ESRP1: variants seen among roughly 807,000 people sequenced by gnomAD.
ESRP1 encodes the protein epithelial splicing regulatory protein 1.
In ESRP1, 33 loss-of-function variants were observed where a neutral mutation model predicts 81.7. The ratio of observed to expected loss-of-function variants is 0.40; its 90% confidence interval spans 0.31 to 0.54. The LOEUF (loss-of-function observed/expected upper bound fraction) is 0.54. Ranked by LOEUF, ESRP1 falls within the 20% of genes least tolerant of loss-of-function variation. The pLI is 0.41. For synonymous variants in ESRP1, 320 were observed against 303.3 expected (o/e 1.06, Z -0.57); for missense variants, 672 against 833.1 (o/e 0.81, Z 2.38).
In ESRP1 at chr8:94,665,069, C is replaced by T; in HGVS notation, c.888+10C>T. The T allele has an allele frequency of 1.2e-6, 2 of 1,613,730 alleles. No homozygotes were observed. The highest frequency in any genetic ancestry group is 1.7e-6 in the Non-Finnish European group (2 of 1,179,810). ...GACCCGGTATATTGAGGTATGTCCT[C>T]AAAACCTGAACCCCTGGACATCGTG... On this transcript the variant is annotated intron_variant, in intron 8 of 15. Coordinates refer to ENST00000433389, the MANE Select transcript of ESRP1 (RefSeq NM_017697.4).
In ESRP1 at chr8:94,707,375, A is replaced by G. The variant is rs537581670; in HGVS notation, c.*1486A>G. 1.1e-4 allele frequency: 16 copies of G among 152,380 alleles called. No homozygotes were observed. The highest frequency in any genetic ancestry group is 3.6e-4 in the African/African-American group (15 of 41,598). 9.4% of individuals were successfully genotyped at this position (152,380 alleles called of 1,614,324 possible). A position where few individuals can be genotyped will look rare whatever the true frequency, so the allele number is the denominator to read the frequency against. On this transcript the variant is annotated 3_prime_UTR_variant, in exon 16 of 16. Transcript: ENST00000433389. Reference sequence around the variant, plus strand: ...GCCCAAAGCTGCCCAAAGCTCTGAAAGACTTTAAGATAGGCAGTAATGCTT... The same window carrying G: ...GCCCAAAGCTGCCCAAAGCTCTGAAGGACTTTAAGATAGGCAGTAATGCTT...
At chr8:94,645,744 C>A (rs144852229) in intron 3 of ESRP1, among the ~76,000 whole-genome samples, 94 of 152,282 alleles carry the variant, frequency 6.2e-4, no homozygotes, top group African/African-American at 2.2e-3. Context: ...ATAGTTAGAA[C>A]TACCCAGTTT....
chr8:94,653,601 A>AT (rs1818257228), intron 4 of ESRP1, among the ~76,000 whole-genome samples: 1 of 152,110 alleles, frequency 6.6e-6, no homozygotes, highest in Admixed American at 6.5e-5. Context: ...ACACATATAA[A>AT]TTTTTTTAAC....
chr8:94,668,789 A>ATGTGTGTGTGTGTGTGTGTG lies in ESRP1; in HGVS notation c.1233+558_1233+559insGTGTGTGTGTGTGTGTGTGT, dbSNP rs71303426. Among the ~76,000 whole-genome samples the ATGTGTGTGTGTGTGTGTGTG allele has an allele frequency of 2.9e-3, 413 of 143,860 alleles. 11 individuals carry two copies. Among genetic ancestry groups the ATGTGTGTGTGTGTGTGTGTG allele is most frequent in the East Asian group, 0.024 (115 of 4,790 alleles). The allele number at this position is 143,860 out of a possible 152,430, so 94.4% of individuals were successfully genotyped here. On this transcript the variant is annotated intron_variant, in intron 10 of 15. Coordinates refer to ENST00000433389, the MANE Select transcript of ESRP1 (RefSeq NM_017697.4). ...CTGTCCTGTTTTACTAGCTTTCAGC[A>ATGTGTGTGTGTGTGTGTGTG]TGTGTGTGTGTGTGTGTGTTTGAGA... is the stretch of plus-strand genomic sequence containing the variant.
intron 4 of ESRP1, among the ~76,000 whole-genome samples, chr8:94,657,076 A>G (rs1818461984): frequency 1.3e-5 from 2 of 152,202 alleles, no homozygotes; most frequent in South Asian, 4.1e-4. Context: ...TAATATATAG[A>G]CCAAGTCTCT....
chr8:94,667,084 T>TGTGTGTGTGTGTGTGTGA (rs1162632082), intron 9 of ESRP1, among the ~76,000 whole-genome samples: 3 of 151,272 alleles, frequency 2.0e-5, no homozygotes, highest in African/African-American at 7.3e-5. Context: ...TGTGTGTGTG[T>TGTGTGTGTGTGTGTGTGA]GTGTGTGTGT....
chr8:94,697,490 T>C (rs1014487718), intron 15 of ESRP1, among the ~76,000 whole-genome samples: 4 of 152,266 alleles, frequency 2.6e-5, no homozygotes, highest in East Asian at 1.9e-4. Context: ...TGACCTTTTC[T>C]GTGTTTGTCT....
intron 13 of ESRP1, among the ~76,000 whole-genome samples, chr8:94,679,309 A>C (rs1808772610): frequency 6.6e-6 from 1 of 152,224 alleles, no homozygotes; most frequent in African/African-American, 2.4e-5. Flanking sequence ...CTGTCTTCTG[A>C]AGGTTTGAAA....
chr8:94,662,288 G>T lies in ESRP1; in HGVS notation c.507G>T (p.Lys169Asn), dbSNP rs370013663. The T allele has an allele frequency of 1.3e-6, 2 of 1,571,370 alleles. No homozygotes were observed. The highest frequency in any genetic ancestry group is 1.7e-6 in the Non-Finnish European group (2 of 1,156,654). The change falls in exon 5 of 16, where the codon AAG (lysine) becomes AAT (asparagine). Residue 169 changes from lysine to asparagine, a missense_variant. By Grantham distance (94) the Lys-to-Asn change is moderately conservative (BLOSUM62 0). Transcript: ENST00000433389. ...ATMTEYLNFE[K>N]SSSVSRYGAS... The stretch of plus-strand genomic sequence containing the variant: ...ATCTCACAGATTTAAATTTTGAGAA[G>T]AGTAGTTCAGTCTCTCGATATGGAG...
At chr8:94,680,420 G>C (rs1012380935) in intron 13 of ESRP1, among the ~76,000 whole-genome samples, 12 of 152,098 alleles carry the variant, frequency 7.9e-5, no homozygotes, top group Non-Finnish European at 1.5e-4. Flanking sequence ...AATTTTGATA[G>C]AAAAACATTA....
chr8:94,659,877 C>T (rs1818631216), intron 4 of ESRP1, among the ~76,000 whole-genome samples: 1 of 152,204 alleles, frequency 6.6e-6, no homozygotes, highest in African/African-American at 2.4e-5. Context: ...ATCAAACTAG[C>T]TACCACATTT....
chr8:94,701,689 C>G (rs78380336), intron 15 of ESRP1, among the ~76,000 whole-genome samples: 3,068 of 151,984 alleles, frequency 0.02, 95 homozygotes, highest in African/African-American at 0.069. Flanking sequence ...CAAGCTGTCT[C>G]TCTGCCACAG....
At chr8:94,664,590 C>A (rs1818923495) in intron 6 of ESRP1, 107 bp from the exon 7 acceptor site, 2 of 777,322 alleles carry the variant, frequency 2.6e-6, no homozygotes, top group Middle Eastern at 2.3e-4. Flanking sequence ...TCTGTCTGAA[C>A]ACCAAATAAT....
At chr8:94,692,545 G>C (rs964816993) in intron 13 of ESRP1, 132 bp from the exon 14 acceptor site, 1 of 953,720 alleles carries the variant, frequency 1.0e-6, no homozygotes, top group Non-Finnish European at 1.5e-6. Context: ...ACCTGTCTTA[G>C]GAAAGACAGC....
intron 12 of ESRP1, among the ~76,000 whole-genome samples, chr8:94,677,975 TG>T (rs1808709787): frequency 6.6e-6 from 1 of 152,164 alleles, no homozygotes; most frequent in Non-Finnish European, 1.5e-5. Flanking sequence ...TTGATTTTGG[TG>T]TTTCCGAATT....
intron 15 of ESRP1, among the ~76,000 whole-genome samples, chr8:94,702,597 T>G (rs890597038): frequency 2.6e-5 from 4 of 152,186 alleles, no homozygotes; most frequent in African/African-American, 9.7e-5. Flanking sequence ...TAGGAAGTAC[T>G]TATAGTTTCC....
intron 4 of ESRP1, among the ~76,000 whole-genome samples, chr8:94,658,410 C>T (rs1250068036): frequency 1.3e-5 from 2 of 152,092 alleles, no homozygotes; most frequent in Non-Finnish European, 2.9e-5. Context: ...GGGCCTACAC[C>T]CAGGAAATGT....
intron 13 of ESRP1, among the ~76,000 whole-genome samples, chr8:94,684,213 G>A (rs1041449757): frequency 6.6e-6 from 1 of 152,192 alleles, no homozygotes; most frequent in Non-Finnish European, 1.5e-5. Flanking sequence ...GTATTTGGGT[G>A]AGATAGATTG....
At chr8:94,695,371 T>C (rs201557245) in intron 14 of ESRP1, among the ~76,000 whole-genome samples, 2,461 of 110,708 alleles carry the variant, frequency 0.022, 32 homozygotes, top group African/African-American at 0.034. Flanking sequence ...TTTTTTTTTT[T>C]TGAGACGGAG....
Sources: allele counts gnomAD v4.1 joint callset (sites outside exome capture counted in the v4.1 genomes callset), GRCh38; gene constraint gnomAD v4.1.1; transcripts MANE v1.5; gene names NCBI Gene and HGNC (gene_info 2026-07-23, HGNC 2026-07-21).